The following PXMP2 variants were observed in gnomAD, a reference collection of about 807,000 sequenced individuals.
PXMP2 encodes 22 kDa peroxisomal membrane protein.
A neutral mutation model predicts 20.2 loss-of-function variants in PXMP2; 13 were observed. The observed-to-expected ratio is 0.64, with a 90% CI of 0.42 to 1.02. The LOEUF (loss-of-function observed/expected upper bound fraction) is 1.02. Among genes scored for constraint, PXMP2 ranks in the 50% least tolerant of loss-of-function variants. PXMP2 has a pLI of 0.00. For missense variants in PXMP2, 284 were observed against 251.8 expected, an observed-to-expected ratio of 1.13 and a Z score of -0.87; for synonymous variants, 113 against 111.2, an observed-to-expected ratio of 1.02 and a Z score of -0.10.
chr12:132,690,563 T>G (rs2043360402), intron 2 of PXMP2, among the ~76,000 whole-genome samples, 187 bp downstream of exon 2: 1 of 122,290 alleles, frequency 8.2e-6, no homozygotes, highest in Admixed American at 8.1e-5. Flanking sequence ...GCATACGTGG[T>G]TTTTTTTGTT....
At chr12:132,701,535 A>T in intron 4 of PXMP2, 166 bp downstream of exon 4, 1 of 962,462 alleles carries the variant, frequency 1.0e-6, no homozygotes, top group African/African-American at 1.7e-5. Context: ...AGACTCCTCA[A>T]CTACCCTTGG....
chr12:132,702,156 G>A (rs2043446477), intron 4 of PXMP2, among the ~76,000 whole-genome samples: 1 of 152,250 alleles, frequency 6.6e-6, no homozygotes, highest in Admixed American at 6.5e-5. Flanking sequence ...AATTACAGCT[G>A]AGCCTGAAGG....
At chr12:132,691,748 C>T (rs1321607435) in intron 2 of PXMP2, among the ~76,000 whole-genome samples, 2 of 152,190 alleles carry the variant, frequency 1.3e-5, no homozygotes, top group East Asian at 3.8e-4. Context: ...CACATAACCC[C>T]CTATGACTGG....
chr12:132,692,593 T>TGCCAGTTAGTTAAGTGAGCGCCCTTA (rs2043376877), intron 2 of PXMP2, among the ~76,000 whole-genome samples: 1 of 103,572 alleles, frequency 9.7e-6, no homozygotes, highest in African/African-American at 3.5e-5. Flanking sequence ...TGAGCGCCCT[T>TGCCAGTTAGTTAAGTGAGCGCCCTTA]GCCAGTTAGT....
intron 4 of PXMP2, among the ~76,000 whole-genome samples, chr12:132,704,188 A>G (rs1305716629): frequency 6.6e-6 from 1 of 152,140 alleles, no homozygotes; most frequent in African/African-American, 2.4e-5. Flanking sequence ...CTGAGTCACC[A>G]AAGCAGGGCA....
Position 132,687,765 on chromosome 12 carries a change from AC to A in PXMP2, c.98del (p.Pro33ArgfsTer22). 8.4e-7 allele frequency: 1 copy of A among 1,195,576 alleles called. No homozygotes were observed. The highest frequency in any genetic ancestry group is 3.1e-5 in the South Asian group (1 of 31,934). The allele number at this position is 1,195,576 out of a possible 1,614,324, so 74.1% of individuals were successfully genotyped here. A position where few individuals can be genotyped will look rare whatever the true frequency, so the allele number is the denominator to read the frequency against. On this transcript the variant is annotated frameshift_variant, in exon 1 of 5. Transcript: ENST00000317479. LOFTEE classifies it high-confidence loss of function. ...CAGTACCTGCTCTTCCTGCGGCTCT[AC>A]CCGGTGCTCACCAAGGCGGCCACCA... Reference protein sequence around the residue: ...LAQYLLFLRLYPVLTKAATSG... With the variant: ...LAQYLLFLRLXPVLTKAATSG...
chr12:132,702,066 G>T (rs1372202361), intron 4 of PXMP2, among the ~76,000 whole-genome samples: 2 of 152,164 alleles, frequency 1.3e-5, no homozygotes, highest in Admixed American at 1.3e-4. Context: ...CTCTAGCCTG[G>T]GCAACAGAGT....
intron 2 of PXMP2, among the ~76,000 whole-genome samples, chr12:132,694,674 G>A (rs1389723049): frequency 7.3e-6 from 1 of 136,228 alleles, no homozygotes; most frequent in African/African-American, 2.8e-5. Context: ...TAGCCAGTTA[G>A]TTAGTGAGCT....
chr12:132,695,968 C>A lies in PXMP2; in HGVS notation c.321C>A (p.Leu107=). 6.2e-7 allele frequency: 1 copy of A among 1,612,824 alleles called. No homozygotes were observed. Among genetic ancestry groups the A allele is most frequent in the African/African-American group, 1.3e-5 (1 of 75,036 alleles). Residue 107 remains leucine, a synonymous_variant, in exon 3 of 5, where the codon CTC becomes CTA. Transcript: ENST00000317479. ...WIPPEVPLAG[L]RRLLLDRLVF... is the part of the protein sequence containing the mutation. The stretch of plus-strand genomic sequence containing the variant: ...CTCCTGAGGTCCCCCTGGCAGGGCT[C>A]AGGAGGCTTCTCCTGGACCGCCTCG...
intron 1 of PXMP2, 142 bp from the exon 2 acceptor site, chr12:132,690,121 T>C: frequency 1.5e-6 from 1 of 653,354 alleles, no homozygotes; most frequent in Admixed American, 2.7e-5. Flanking sequence ...ACAAGAACTA[T>C]ACATTGCAGC....
At chr12:132,697,315 A>AATAG (rs1343113547) in intron 3 of PXMP2, among the ~76,000 whole-genome samples, 1 of 151,728 alleles carries the variant, frequency 6.6e-6, no homozygotes, top group Admixed American at 6.6e-5. Flanking sequence ...TAAATAAATA[A>AATAG]ACACATTAGT....
chr12:132,704,546 TG>T, intron 4 of PXMP2, 72 bp from the exon 5 acceptor site: 2 of 1,203,700 alleles, frequency 1.7e-6, no homozygotes, highest in Non-Finnish European at 2.2e-6. Context: ...ACAAATGAAC[TG>T]GGTGACTGAG....
rs368694413 is a variant in PXMP2, at chr12:132,697,941, C to T, written c.399+1895C>T. Among the ~76,000 whole-genome samples, 5 of 152,006 alleles carry T rather than the reference C, an allele frequency of 3.3e-5. No homozygotes were observed. In the East Asian group the frequency reaches 7.7e-4, roughly 24 times the overall value. On this transcript the variant is annotated intron_variant, in intron 3 of 4. Transcript: ENST00000317479. ...CTGACTGTCCCACCTCCCCCGTTCA[C>T]GAGCACCTTCAAATCCTCACCATCT...
chr12:132,694,442 AGTGAGCTCCCTTAGCCAGT>A, intron 2 of PXMP2, among the ~76,000 whole-genome samples: 1 of 87,780 alleles, frequency 1.1e-5, no homozygotes, highest in African/African-American at 4.2e-5. Context: ...CCAGTTAGTT[AGTGAGCTCCCTTAGCCAGT>A]TAGTGAGCTC....
chr12:132,697,086 G>T (rs929955637), intron 3 of PXMP2, among the ~76,000 whole-genome samples: 2 of 152,088 alleles, frequency 1.3e-5, no homozygotes, highest in Non-Finnish European at 2.9e-5. Context: ...CCAGGAGTTC[G>T]GGACCAGCCT....
At position 132,696,188 on chromosome 12, in the gene PXMP2, C is replaced by A; in HGVS notation, c.399+142C>A. 3.2e-6 allele frequency: 3 copies of A among 931,630 alleles called. No individual in the cohort carries two copies. Among genetic ancestry groups the A allele is most frequent in the Non-Finnish European group, 4.7e-6 (3 of 644,048 alleles). The allele number at this position is 931,630 out of a possible 1,614,324, so 57.7% of individuals were successfully genotyped here. On this transcript the variant is annotated intron_variant, in intron 3 of 4. Transcript: ENST00000317479. The surrounding 1 kb of genome is among the most constrained non-coding windows in gnomAD (Gnocchi z 4.4). ...CATTTTCTTTTATGAATATAGGAAG[C>A]AAACATCTAGTATTGGCAGGACCTG... is the stretch of plus-strand genomic sequence containing the variant.
At chr12:132,703,745 A>G (rs1177184928) in intron 4 of PXMP2, among the ~76,000 whole-genome samples, 1 of 152,224 alleles carries the variant, frequency 6.6e-6, no homozygotes, top group African/African-American at 2.4e-5. Context: ...GGGCTTGTCC[A>G]GCTGTGGTCA....
chr12:132,701,117 T>C (rs1397508423), intron 3 of PXMP2, 133 bp from the exon 4 acceptor site: 6 of 1,193,636 alleles, frequency 5.0e-6, no homozygotes, highest in African/African-American at 1.5e-5. Context: ...TGAGTACACA[T>C]GTGTGCTGTC....
chr12:132,697,278 C>A (rs1263130464), intron 3 of PXMP2, among the ~76,000 whole-genome samples: 1 of 148,780 alleles, frequency 6.7e-6, no homozygotes. Context: ...GAGCAAGACA[C>A]TGGTTCAAAA....
Sources: allele counts gnomAD v4.1 joint callset (sites outside exome capture counted in the v4.1 genomes callset), GRCh38; gene constraint gnomAD v4.1.1; non-coding constraint Gnocchi (gnomAD v3.1); transcripts MANE v1.5; gene names NCBI Gene and HGNC (gene_info 2026-07-23, HGNC 2026-07-21).